Variants in CNTN2 observed in about 807,000 individuals in gnomAD.
The protein encoded by CNTN2 is contactin 2.
CNTN2 carries 53 observed loss-of-function variants against 117.5 expected under a neutral mutation model. That is an observed-to-expected ratio of 0.45 (90% confidence interval 0.36 to 0.57). CNTN2 has a LOEUF of 0.57. Among genes scored for constraint, CNTN2 ranks in the 20% least tolerant of loss-of-function variants. The probability of loss-of-function intolerance (pLI) is 0.00; values close to 1 mark genes in which losing one functional copy is unlikely to be tolerated. For missense variants in CNTN2, 1,106 were observed against 1,404.3 expected (o/e 0.79, Z 3.39); for synonymous variants, 530 against 561.7 (o/e 0.94, Z 0.80).
chr1:205,058,691 G>C lies in CNTN2; in HGVS notation c.487+28G>C, dbSNP rs1271163023. ...GAGTCCAGACCTGGGGCCAGGGTTAGAGAGGGCACAGGAAGGGCTTCCAGA... is the reference window on the plus strand; with the variant it reads ...GAGTCCAGACCTGGGGCCAGGGTTACAGAGGGCACAGGAAGGGCTTCCAGA... On this transcript the variant is annotated intron_variant, in intron 5 of 22. Transcript: ENST00000331830. The surrounding 1 kb of genome is among the most constrained non-coding windows in gnomAD (Gnocchi z 4.3). 1.3e-6 allele frequency: 2 copies of C among 1,573,688 alleles called. No individual in the cohort carries two copies. The highest frequency in any genetic ancestry group is 1.1e-5 in the South Asian group (1 of 89,032).
intron 1 of CNTN2, among the ~76,000 whole-genome samples, 154 bp downstream of exon 1, chr1:205,043,548 T>C (rs1021356575): frequency 1.3e-5 from 2 of 151,972 alleles, no homozygotes; most frequent in African/African-American, 4.8e-5. Flanking sequence ...CGTTCTGACT[T>C]CTCCCCTCAG....
chr1:205,065,714 C>A lies in CNTN2; in HGVS notation c.1696-75C>A. ...GGAGTAGGGGACTCCCAAGCGCTGCCTCATGTCTCATGGCCTGCTGCACTG... is the reference window on the plus strand; with the variant it reads ...GGAGTAGGGGACTCCCAAGCGCTGCATCATGTCTCATGGCCTGCTGCACTG... On this transcript the variant is annotated intron_variant, in intron 13 of 22. Transcript: ENST00000331830. The surrounding 1 kb of genome is among the most constrained non-coding windows in gnomAD (Gnocchi z 4.1). 3.6e-6 allele frequency: 2 copies of A among 557,836 alleles called. No homozygotes were observed. Among genetic ancestry groups the A allele is most frequent in the Non-Finnish European group, 3.3e-6 (1 of 306,776 alleles). 34.6% of individuals were successfully genotyped at this position (557,836 alleles called of 1,614,324 possible).
intron 1 of CNTN2, among the ~76,000 whole-genome samples, chr1:205,044,254 T>C (rs1574623046): frequency 6.6e-6 from 1 of 152,032 alleles, no homozygotes; most frequent in Admixed American, 6.5e-5. Flanking sequence ...GGGGCTTACA[T>C]AATGGGCTGG....
intron 16 of CNTN2, chr1:205,067,520 G>A: frequency 2.9e-6 from 1 of 346,864 alleles, no homozygotes. Context: ...TTTTAAAAGT[G>A]GAAAAACCAA....
chr1:205,074,173 A>G lies in CNTN2; in HGVS notation c.*408A>G, dbSNP rs556420749. 2.6e-5 allele frequency: 12 copies of G among 463,018 alleles called. No homozygotes were observed. Among genetic ancestry groups the G allele is most frequent in the Admixed American group, 2.2e-4 (6 of 27,818 alleles). The allele number at this position is 463,018 out of a possible 1,614,324, so 28.7% of individuals were successfully genotyped here. ...GGCCCGGCAGGAACACCAGACATGA[A>G]CAGGTTGAAGAACTGGAGCGAAGTG... On this transcript the variant is annotated 3_prime_UTR_variant, in exon 23 of 23. Transcript: ENST00000331830.
rs79431021 is a variant in CNTN2 at position 205,064,390 on chromosome 1, C to G, written c.1309C>G (p.Leu437Val). 26,837 of 1,612,364 alleles carry G rather than the reference C, an allele frequency of 0.017. 530 individuals are homozygous for G. The highest frequency in any genetic ancestry group is 0.092 in the African/African-American group (6,922 of 74,994). Residue 437 changes from leucine to valine, a missense_variant, in exon 11 of 23, where the codon CTT becomes GTT. Physicochemically the swap from Leu to Val is conservative, Grantham distance 32 (BLOSUM62 1). Transcript: ENST00000331830. Reference protein sequence around the residue: ...LIPAARGGEILIPCQPRAAPK... With the variant: ...LIPAARGGEIVIPCQPRAAPK... ...CCCCGCGGCCCGCGGGGGAGAGATC[C>G]TTATCCCCTGCCAGCCCCGGGCAGC...
rs1324551549 is a variant in CNTN2 at position 205,064,343 on chromosome 1, T to C, written c.1262T>C (p.Leu421Pro). 6.3e-7 allele frequency: 1 copy of C among 1,591,678 alleles called. No individual in the cohort carries two copies. Residue 421 changes from leucine to proline, a missense_variant, in exon 11 of 23, where the codon CTG (leucine) becomes CCG (proline). Coordinates refer to ENST00000331830, the MANE Select transcript of CNTN2 (RefSeq NM_005076.5). Reference sequence around the variant, plus strand: ...CTAGCACTCGCCCCTGACTTCAGGCTGAATCCCGTGAGGCGTCTGATCCCC... The same window carrying C: ...CTAGCACTCGCCCCTGACTTCAGGCCGAATCCCGTGAGGCGTCTGATCCCC... Reference protein sequence around the residue: ...AVQALAPDFRLNPVRRLIPAA... With the variant: ...AVQALAPDFRPNPVRRLIPAA...
intron 1 of CNTN2, among the ~76,000 whole-genome samples, chr1:205,046,894 CCT>C (rs1192923846): frequency 6.6e-6 from 1 of 152,146 alleles, no homozygotes; most frequent in African/African-American, 2.4e-5. Flanking sequence ...AGGATGGAAG[CCT>C]CTCTTCTTCT....
intron 19 of CNTN2, 147 bp from the exon 20 acceptor site, chr1:205,071,800 T>C: frequency 1.5e-6 from 1 of 669,444 alleles, no homozygotes; most frequent in Non-Finnish European, 2.4e-6. Flanking sequence ...GCTGTCTGGG[T>C]GCTCATGATC....
chr1:205,057,800 A>G, intron 2 of CNTN2, 121 bp from the exon 3 acceptor site: 5 of 1,222,982 alleles, frequency 4.1e-6, no homozygotes, highest in East Asian at 2.4e-5. Flanking sequence ...ACCACATTGA[A>G]CAGTGCAGAA....
intron 1 of CNTN2, among the ~76,000 whole-genome samples, chr1:205,052,876 A>C (rs565118266): frequency 3.7e-4 from 57 of 152,300 alleles, no homozygotes; most frequent in Admixed American, 3.3e-3. Context: ...GTGGGGGTAC[A>C]GGGCTGAGCC....
intron 2 of CNTN2, among the ~76,000 whole-genome samples, chr1:205,053,891 A>G (rs2096456913): frequency 6.8e-6 from 1 of 147,134 alleles, no homozygotes; most frequent in Non-Finnish European, 1.5e-5. Flanking sequence ...CAGACGAGGG[A>G]GCTGAGGTTC....
rs1653829455 is a variant in CNTN2, at chr1:205,059,181, C to A, written c.585C>A (p.Ala195=). 1 of 1,614,192 alleles carries A rather than the reference C, an allele frequency of 6.2e-7. No homozygotes were observed. Among genetic ancestry groups the A allele is most frequent in the East Asian group, 2.2e-5 (1 of 44,880 alleles). The stretch of plus-strand genomic sequence containing the variant: ...AGACCACAGGGAACCTGTACATTGC[C>A]CGAACCAATGCCTCAGACCTGGGCA... ...VSQTTGNLYI[A]RTNASDLGNY... Residue 195 remains alanine (A), a synonymous_variant, in exon 6 of 23, where the codon GCC becomes GCA. Coordinates refer to ENST00000331830, the MANE Select transcript of CNTN2 (RefSeq NM_005076.5). The surrounding 1 kb of genome is among the most constrained non-coding windows in gnomAD (Gnocchi z 5.6).
rs1469914068 is a variant in CNTN2 at position 205,062,457 on chromosome 1, G to A, written c.1128G>A (p.Leu376=). The change falls in exon 10 of 23, where the codon TTG becomes TTA. Residue 376 remains leucine, a synonymous_variant. Coordinates refer to ENST00000331830, the MANE Select transcript of CNTN2 (RefSeq NM_005076.5). ...CTGCACAGAACCGGGTGGAGGTGTTGGCTGGGGACCTGCGGTTCTCCAAGC... is the reference window on the plus strand; with the variant it reads ...CTGCACAGAACCGGGTGGAGGTGTTAGCTGGGGACCTGCGGTTCTCCAAGC... The part of the protein sequence containing the change: ...PLASQNRVEV[L]AGDLRFSKLS... 6.2e-7 allele frequency: 1 copy of A among 1,613,850 alleles called. No homozygotes were observed. The highest frequency in any genetic ancestry group is 1.1e-5 in the South Asian group (1 of 91,028).
At position 205,070,427 on chromosome 1, in the gene CNTN2, G is replaced by A; in HGVS notation, c.2433G>A (p.Glu811=). 5.6e-6 allele frequency: 9 copies of A among 1,611,542 alleles called. No individual in the cohort carries two copies. Among genetic ancestry groups the A allele is most frequent in the Non-Finnish European group, 7.6e-6 (9 of 1,178,334 alleles). The change falls in exon 19 of 23, where the codon GAG becomes GAA. Residue 811 remains glutamate (E), a splice_region_variant and synonymous_variant. Transcript: ENST00000331830. ...LTALVYSAEE[E]PRVAPTKVWA... is the part of the protein sequence containing the mutation. ...AACCCATTCTGTATTGGTCCCCAGA[G>A]CCCAGGGTGGCCCCTACCAAGGTGT...
At chr1:205,064,286 A>T (rs764635295) in intron 10 of CNTN2, 36 bp from the exon 11 acceptor site, 1 of 1,525,324 alleles carries the variant, frequency 6.6e-7, no homozygotes, top group Admixed American at 2.2e-5. Flanking sequence ...CAAGGGTGAC[A>T]GTACTTTTCT....
At position 205,065,223 on chromosome 1, in the gene CNTN2, C is replaced by A. The variant is rs145352110; in HGVS notation, c.1656C>A (p.Asp552Glu). 3.1e-4 allele frequency: 496 copies of A among 1,614,174 alleles called. 2 individuals are homozygous for A. The African/African-American group carries it at 5.8e-3, about 19-fold the overall frequency. Residue 552 changes from aspartate (D) to glutamate (E), a missense_variant, in exon 13 of 23, where the codon GAC (aspartate) becomes GAA (glutamate). Coordinates refer to ENST00000331830, the MANE Select transcript of CNTN2 (RefSeq NM_005076.5). This position sits in a 1 kb window ranked among gnomAD's most constrained non-coding sequence, Gnocchi z 4.1. ...FTWTLDDFPI[D>E]FDKPGGHYRR... Reference sequence around the variant, plus strand: ...GGACCCTGGACGACTTCCCCATCGACTTTGATAAGCCTGGAGGGCACTACC... The same window carrying A: ...GGACCCTGGACGACTTCCCCATCGAATTTGATAAGCCTGGAGGGCACTACC...
Position 205,058,739 on chromosome 1 carries a change from A to G in CNTN2, c.487+76A>G. On this transcript the variant is annotated intron_variant, in intron 5 of 22. Transcript: ENST00000331830. This position sits in a 1 kb window ranked among gnomAD's most constrained non-coding sequence, Gnocchi z 4.3. Reference sequence around the variant, plus strand: ...AGATGCTTGGCAGAGGAAGGATGGAATAAAAGGAGACCCCTGGAAATGACC... The same window carrying G: ...AGATGCTTGGCAGAGGAAGGATGGAGTAAAAGGAGACCCCTGGAAATGACC... 1 of 1,152,156 alleles carries G rather than the reference A, an allele frequency of 8.7e-7. No individual in the cohort carries two copies. Among genetic ancestry groups the G allele is most frequent in the Non-Finnish European group, 1.2e-6 (1 of 800,802 alleles). The allele number at this position is 1,152,156 out of a possible 1,614,324, so 71.4% of individuals were successfully genotyped here. A position where few individuals can be genotyped will look rare whatever the true frequency, so the allele number is the denominator to read the frequency against.
At chr1:205,062,316 C>A in intron 9 of CNTN2, 124 bp from the exon 10 acceptor site, 2 of 1,318,882 alleles carry the variant, frequency 1.5e-6, no homozygotes, top group African/African-American at 1.5e-5. Context: ...TAGGACTGGA[C>A]ATATAAGCCA....
Sources: allele counts gnomAD v4.1 joint callset (sites outside exome capture counted in the v4.1 genomes callset), GRCh38; gene constraint gnomAD v4.1.1; non-coding constraint Gnocchi (gnomAD v3.1); transcripts MANE v1.5; gene names NCBI Gene and HGNC (gene_info 2026-07-23, HGNC 2026-07-21).